The following MAP4 variants were observed in gnomAD, a reference collection of about 807,000 sequenced individuals.
The protein encoded by MAP4 is microtubule-associated protein 4.
A neutral mutation model predicts 170.2 loss-of-function variants in MAP4; 76 were observed. The observed-to-expected ratio is 0.45, with a 90% confidence interval of 0.37 to 0.54. The LOEUF (loss-of-function observed/expected upper bound fraction) is 0.54. MAP4 is among the 20% of genes least tolerant of loss of function. The pLI is 0.00. For missense variants in MAP4, 2,506 were observed against 2,748.0 expected (o/e 0.91, Z 1.97); for synonymous variants, 909 against 994.5 (o/e 0.91, Z 1.62).
At chr3:48,051,092 CCACACACACACACACACACACA>C (rs145028487) in intron 1 of MAP4, among the ~76,000 whole-genome samples, 1 of 143,914 alleles carries the variant, frequency 6.9e-6, no homozygotes, top group Non-Finnish European at 1.5e-5. Flanking sequence ...CATTCAATTT[CCACACACACACACACACACACA>C]CACACACACA....
chr3:48,065,579 C>T (rs766686995), intron 1 of MAP4, among the ~76,000 whole-genome samples: 19 of 152,130 alleles, frequency 1.2e-4, no homozygotes, highest in African/African-American at 3.1e-4. Context: ...CTATCCCTAG[C>T]GGACTATATA....
At chr3:47,866,077 A>T (rs548659396) in intron 17 of MAP4, among the ~76,000 whole-genome samples, 4 of 152,026 alleles carry the variant, frequency 2.6e-5, no homozygotes, top group Non-Finnish European at 5.9e-5. Context: ...AGTGGCTCAC[A>T]CCTGTAATCC....
upstream of MAP4, among the ~76,000 whole-genome samples, chr3:48,018,406 C>G (rs2100108880): frequency 6.6e-6 from 1 of 152,158 alleles, no homozygotes; most frequent in Non-Finnish European, 1.5e-5. Flanking sequence ...GAAATTGAAT[C>G]TAATTTGAAA....
At chr3:48,062,504 A>AC (rs2100136245) in intron 1 of MAP4, among the ~76,000 whole-genome samples, 1 of 150,422 alleles carries the variant, frequency 6.6e-6, no homozygotes, top group Non-Finnish European at 1.5e-5. Context: ...TAAAAAAAAA[A>AC]AAAAAAAAAA....
In MAP4 at chr3:47,912,099, TTTC is replaced by T. The variant is rs773295896; in HGVS notation, c.2319_2321del (p.Lys774del). The T allele has an allele frequency of 8.7e-5, 133 of 1,536,020 alleles. 3 individuals are homozygous for T. In the Admixed American group the frequency reaches 1.6e-3, roughly 18 times the overall value. On this transcript the variant is annotated inframe_deletion, in exon 9 of 21. Coordinates refer to ENST00000683076, the MANE Select transcript of MAP4 (RefSeq NM_001385682.1). ...GTTGAGAATATCTCTTTTGCTTTGG[TTTC>T]TTCTTCTTTTTCTTCATCATTATTG...
chr3:48,047,436 A>T (rs1215467355), intron 1 of MAP4, among the ~76,000 whole-genome samples: 1 of 152,060 alleles, frequency 6.6e-6, no homozygotes, highest in Non-Finnish European at 1.5e-5. Context: ...GAGCAAGCAG[A>T]GCAAAATCAG....
chr3:47,901,645 G>C (rs1372112828), intron 10 of MAP4, among the ~76,000 whole-genome samples: 1 of 151,116 alleles, frequency 6.6e-6, no homozygotes, highest in Non-Finnish European at 1.5e-5. Context: ...CTGCACCCCA[G>C]CCTGGGCAAC....
chr3:48,058,338 T>C (rs1385420816), intron 1 of MAP4, among the ~76,000 whole-genome samples: 2 of 152,214 alleles, frequency 1.3e-5, no homozygotes, highest in Admixed American at 6.5e-5. Context: ...AAGTACCATG[T>C]ACATAATTTA....
chr3:48,011,347 A>G (rs999241459), intron 1 of MAP4, among the ~76,000 whole-genome samples: 7 of 152,068 alleles, frequency 4.6e-5, no homozygotes, highest in Non-Finnish European at 8.8e-5. Flanking sequence ...TGGCCAACAC[A>G]GTAAAACCCT....
chr3:47,979,394 T>C (rs1054242945), intron 2 of MAP4, among the ~76,000 whole-genome samples: 3 of 152,202 alleles, frequency 2.0e-5, no homozygotes, highest in East Asian at 1.9e-4. Context: ...TGGGCTGTTA[T>C]GTTCCATCAA....
Position 47,909,067 on chromosome 3 carries a change from T to C in MAP4, c.5354A>G (p.Gln1785Arg), listed in dbSNP as rs760702946. The C allele has an allele frequency of 1.2e-6, 2 of 1,613,784 alleles. No individual in the cohort carries two copies. Among genetic ancestry groups the C allele is most frequent in the South Asian group, 1.1e-5 (1 of 91,012 alleles). ...GGACTTCAGTTGCTTATGTCTCTCTTGTTCCTGGATTGTAGACTTTGGCAA... is the reference window on the plus strand; with the variant it reads ...GGACTTCAGTTGCTTATGTCTCTCTCGTTCCTGGATTGTAGACTTTGGCAA... ...PLLPKSTIQE[Q>R]ERHKQLKSAV... The change falls in exon 9 of 21, where the codon CAA (glutamine) becomes CGA (arginine). Residue 1785 changes from glutamine to arginine, a missense_variant. By Grantham distance (43) the Gln-to-Arg change is conservative. Transcript: ENST00000683076.
At chr3:47,975,262 G>A in intron 3 of MAP4, 2 of 1,423,302 alleles carry the variant, frequency 1.4e-6, no homozygotes, top group South Asian at 3.3e-5. Flanking sequence ...AAACCCTGCA[G>A]AGCACAAGAG....
At chr3:48,008,347 G>A (rs1168289551) in intron 1 of MAP4, among the ~76,000 whole-genome samples, 1 of 152,194 alleles carries the variant, frequency 6.6e-6, no homozygotes, top group Non-Finnish European at 1.5e-5. Flanking sequence ...ATCATATGCA[G>A]ACAACACCCG....
chr3:47,859,078 G>A lies in MAP4; in HGVS notation c.6502-1566C>T, dbSNP rs528260581. ...CGGGAGGCAGAGCTTGCAGTGAGCC[G>A]AGATCGTGCCACTGCACTCCAGCCT... On this transcript the variant is annotated intron_variant, in intron 17 of 20. Coordinates refer to ENST00000683076, the MANE Select transcript of MAP4 (RefSeq NM_001385682.1). Among the ~76,000 whole-genome samples the A allele has an allele frequency of 4.2e-3, 637 of 152,154 alleles. 4 individuals carry two copies. Among genetic ancestry groups the A allele is most frequent in the African/African-American group, 8.4e-3 (349 of 41,510 alleles).
At position 47,903,519 on chromosome 3, in the gene MAP4, C is replaced by T. The variant is rs781393548; in HGVS notation, c.5384-519G>A. On this transcript the variant is annotated intron_variant, in intron 9 of 20. Transcript: ENST00000683076. ...CTGCACTCTCGCCTTGGCGAAAGAGCGAGACTCCGTCTCAAAAAAAAAAAA... is the reference window on the plus strand; with the variant it reads ...CTGCACTCTCGCCTTGGCGAAAGAGTGAGACTCCGTCTCAAAAAAAAAAAA... Among the ~76,000 whole-genome samples, 6 of 142,692 alleles carry T rather than the reference C, an allele frequency of 4.2e-5. No individual in the cohort carries two copies. In the East Asian group the frequency reaches 6.1e-4, roughly 14 times the overall value. The allele number at this position is 142,692 out of a possible 152,430, so 93.6% of individuals were successfully genotyped here.
intron 1 of MAP4, among the ~76,000 whole-genome samples, chr3:48,008,400 C>T (rs371991631): frequency 1.4e-4 from 22 of 152,300 alleles, no homozygotes; most frequent in East Asian, 9.6e-4. Flanking sequence ...CTAGGACATC[C>T]CTGAAGGACA....
intron 3 of MAP4, among the ~76,000 whole-genome samples, chr3:47,939,922 C>T (rs1024203790): frequency 6.6e-6 from 1 of 152,020 alleles, no homozygotes; most frequent in Non-Finnish European, 1.5e-5. Context: ...CCACTCACTG[C>T]AACCTCCCAG....
At chr3:47,856,226 ACGCACAGCTT>A (rs971852859) in intron 18 of MAP4, among the ~76,000 whole-genome samples, 1 of 152,150 alleles carries the variant, frequency 6.6e-6, no homozygotes, top group Non-Finnish European at 1.5e-5. Context: ...GCAGACCTCC[ACGCACAGCTT>A]CTGGCCGAGG....
At chr3:48,071,270 G>A (rs771073518) in intron 1 of MAP4, among the ~76,000 whole-genome samples, 7 of 151,992 alleles carry the variant, frequency 4.6e-5, no homozygotes, top group South Asian at 2.1e-4. Flanking sequence ...GGCCAGGCAC[G>A]GTGGCTCACA....
Sources: gnomAD v4.1 joint callset for allele counts (sites outside exome capture counted in the v4.1 genomes callset) on GRCh38, gnomAD v4.1.1 for gene constraint, MANE v1.5 for transcripts, NCBI Gene and HGNC (gene_info 2026-07-23, HGNC 2026-07-21) for gene names.